The following WDPCP variants were observed in gnomAD, a reference collection of about 807,000 sequenced individuals.
WDPCP encodes WD repeat-containing and planar cell polarity effector protein fritz homolog.
Under a neutral mutation model 93.1 loss-of-function variants are expected in WDPCP, and 71 were observed. The observed-to-expected ratio is 0.76, with a 90% CI of 0.63 to 0.93. The LOEUF (loss-of-function observed/expected upper bound fraction) is 0.93. Among genes scored for constraint, WDPCP ranks in the 40% least tolerant of loss-of-function variants. The probability of loss-of-function intolerance (pLI) is 0.00; values close to 1 mark genes in which losing one functional copy is unlikely to be tolerated. For synonymous variants in WDPCP, 315 were observed against 315.0 expected, an observed-to-expected ratio of 1.00 and a Z score of 0.00; for missense variants, 844 against 887.4, an observed-to-expected ratio of 0.95 and a Z score of 0.62.
At chr2:63,795,523 GAGAGAA>G (rs1302986391) in intron 2 of WDPCP, among the ~76,000 whole-genome samples, 120 of 147,024 alleles carry the variant, frequency 8.2e-4, no homozygotes, top group East Asian at 4.7e-3. Flanking sequence ...AAGAAAGAAA[GAGAGAA>G]AGAGAAAGAG....
At chr2:63,655,458 C>G (rs1038997162) in intron 2 of WDPCP, among the ~76,000 whole-genome samples, 1 of 151,962 alleles carries the variant, frequency 6.6e-6, no homozygotes. Flanking sequence ...TTGCTATACA[C>G]TCTTCTATAA....
chr2:63,264,008 G>C (rs1009385546), intron 13 of WDPCP, among the ~76,000 whole-genome samples: 3 of 152,074 alleles, frequency 2.0e-5, no homozygotes, highest in Admixed American at 2.0e-4. Context: ...ACTTGTAGAA[G>C]TCCTTTCTGG....
intron 2 of WDPCP, among the ~76,000 whole-genome samples, chr2:63,652,878 T>C (rs540763042): frequency 6.6e-6 from 1 of 152,306 alleles, no homozygotes; most frequent in South Asian, 2.1e-4. Context: ...AAAGTAAGAC[T>C]GTGGCCCTTA....
chr2:63,506,692 T>C (rs1370352822), intron 1 of WDPCP, among the ~76,000 whole-genome samples: 2 of 152,048 alleles, frequency 1.3e-5, no homozygotes, highest in Non-Finnish European at 2.9e-5. Context: ...AGAGAACTGT[T>C]TGAAAGTCTG....
At chr2:63,216,270 C>T (rs549271589) in intron 14 of WDPCP, among the ~76,000 whole-genome samples, 35 of 152,192 alleles carry the variant, frequency 2.3e-4, no homozygotes, top group Admixed American at 4.6e-4. Flanking sequence ...ATGTTTATTG[C>T]AACACTATTC....
chr2:63,539,516 T>C (rs1484593085), intron 1 of WDPCP, among the ~76,000 whole-genome samples: 1 of 152,086 alleles, frequency 6.6e-6, no homozygotes, highest in Non-Finnish European at 1.5e-5. Context: ...GCCAACATGG[T>C]GAAACCCTGT....
chr2:63,464,535 A>G (rs1256414353), intron 6 of WDPCP, among the ~76,000 whole-genome samples: 2 of 152,144 alleles, frequency 1.3e-5, no homozygotes, highest in Non-Finnish European at 2.9e-5. Context: ...AATTCTGGGT[A>G]TACATCCAAA....
intron 14 of WDPCP, among the ~76,000 whole-genome samples, chr2:63,185,790 G>A (rs1674588446): frequency 6.6e-6 from 1 of 152,168 alleles, no homozygotes; most frequent in Non-Finnish European, 1.5e-5. Flanking sequence ...ACTCTCCAGT[G>A]TCCCAGGCAA....
intron 10 of WDPCP, among the ~76,000 whole-genome samples, chr2:63,385,220 A>G (rs1001285713): frequency 7.2e-5 from 11 of 152,114 alleles, no homozygotes; most frequent in Non-Finnish European, 1.6e-4. Context: ...TTTCCACCGA[A>G]GATTGGAAAC....
chr2:63,553,234 C>G (rs1312905706), intron 1 of WDPCP, among the ~76,000 whole-genome samples: 1 of 152,194 alleles, frequency 6.6e-6, no homozygotes, highest in African/African-American at 2.4e-5. Flanking sequence ...AACTCTTCAA[C>G]TGTTAAATTC....
At position 63,189,441 on chromosome 2, in the gene WDPCP, C is replaced by T. The variant is rs146423086; in HGVS notation, c.1916-14609G>A. ...TCCATTAACTAATTTCTAGATTTAT[C>T]ACAAAGCTATTTTTATGTATATGTT... On this transcript the variant is annotated intron_variant, in intron 14 of 17. Coordinates refer to ENST00000272321, the MANE Select transcript of WDPCP (RefSeq NM_015910.7). 2.4e-4 allele frequency among the ~76,000 whole-genome samples: 36 copies of T among 152,256 alleles called. 1 individual carries two copies. Among genetic ancestry groups the T allele is most frequent in the Non-Finnish European group, 4.0e-4 (27 of 68,014 alleles).
intron 1 of WDPCP, among the ~76,000 whole-genome samples, chr2:63,512,317 G>A (rs1553416626): frequency 6.6e-6 from 1 of 152,186 alleles, no homozygotes; most frequent in Non-Finnish European, 1.5e-5. Flanking sequence ...TTCAGTCACT[G>A]TGTCAGACAG....
chr2:63,771,015 AAAAT>A (rs1483843465), intron 2 of WDPCP, among the ~76,000 whole-genome samples: 1 of 151,784 alleles, frequency 6.6e-6, no homozygotes, highest in Non-Finnish European at 1.5e-5. Flanking sequence ...AGTAAATTTA[AAAAT>A]AAATATTTTA....
At chr2:63,532,453 C>A (rs1703932198) in intron 1 of WDPCP, among the ~76,000 whole-genome samples, 1 of 152,080 alleles carries the variant, frequency 6.6e-6, no homozygotes, top group Admixed American at 6.6e-5. Flanking sequence ...TAAGGGCAGC[C>A]AGAAAGAAAG....
chr2:63,820,656 A>C (rs1316561861), intron 1 of WDPCP, among the ~76,000 whole-genome samples: 1 of 152,160 alleles, frequency 6.6e-6, no homozygotes. Flanking sequence ...GCAATGCCTC[A>C]TTAAATATTT....
intron 9 of WDPCP, among the ~76,000 whole-genome samples, chr2:63,431,281 G>T (rs1696742484): frequency 6.6e-6 from 1 of 152,084 alleles, no homozygotes; most frequent in Non-Finnish European, 1.5e-5. Flanking sequence ...TAACTGGTCT[G>T]GGTGGGCCTC....
intron 3 of WDPCP, among the ~76,000 whole-genome samples, chr2:63,615,454 T>C (rs1034629058): frequency 1.3e-5 from 2 of 152,110 alleles, no homozygotes; most frequent in Non-Finnish European, 2.9e-5. Flanking sequence ...GCCGTCTGCA[T>C]AATAAAAGGT....
At chr2:63,579,833 GT>G (rs1427055385) in intron 1 of WDPCP, among the ~76,000 whole-genome samples, 1 of 152,122 alleles carries the variant, frequency 6.6e-6, no homozygotes, top group Non-Finnish European at 1.5e-5. Context: ...CAAATCTCAT[GT>G]TGAAATTTGA....
chr2:63,451,458 T>C (rs1013456439), intron 6 of WDPCP, among the ~76,000 whole-genome samples: 3 of 152,156 alleles, frequency 2.0e-5, no homozygotes, highest in African/African-American at 7.2e-5. Context: ...ATTAATAACT[T>C]GCCAACCAAA....
Sources: allele counts gnomAD v4.1 joint callset (sites outside exome capture counted in the v4.1 genomes callset), GRCh38; gene constraint gnomAD v4.1.1; transcripts MANE v1.5; gene names NCBI Gene and HGNC (gene_info 2026-07-23, HGNC 2026-07-21).